The following SYT10 variants were observed in gnomAD, a reference collection of about 807,000 sequenced individuals.
SYT10 encodes synaptotagmin 10.
Under a neutral mutation model 51.1 loss-of-function variants are expected in SYT10, and 31 were observed. The ratio of observed to expected loss-of-function variants is 0.61; its 90% confidence interval spans 0.46 to 0.82. The LOEUF (loss-of-function observed/expected upper bound fraction) is 0.82. SYT10 is among the 40% of genes least tolerant of loss of function. The pLI is 0.00. For missense variants in SYT10, 603 were observed against 634.0 expected (o/e 0.95, Z 0.53); for synonymous variants, 233 against 225.9 (o/e 1.03, Z -0.28).
rs188444647 is a variant in SYT10 at position 33,409,982 on chromosome 12, C to T, written c.510-2626G>A. On this transcript the variant is annotated intron_variant, in intron 2 of 6. Transcript: ENST00000228567. Reference sequence around the variant, plus strand: ...TAAACTTTAGCTTAATATAAAGGAACGTTTAAAATAATCTAGAGCTATCCA... The same window carrying T: ...TAAACTTTAGCTTAATATAAAGGAATGTTTAAAATAATCTAGAGCTATCCA... Among the ~76,000 whole-genome samples, 4 of 152,200 alleles carry T rather than the reference C, an allele frequency of 2.6e-5. No homozygotes were observed. The East Asian group carries it at 7.7e-4, about 29-fold the overall frequency.
chr12:33,382,608 T>G lies in SYT10; in HGVS notation c.1199-88A>C, dbSNP rs1866125805. On this transcript the variant is annotated intron_variant, in intron 4 of 6. Transcript: ENST00000228567. ...CAGTTTATTTTTACTAAATAAGACC[T>G]ATAGTACTAAGGCCTATATTAAGAC... 7 of 1,274,308 alleles carry G rather than the reference T, an allele frequency of 5.5e-6. No individual in the cohort carries two copies. The South Asian group carries it at 1.0e-4, about 19-fold the overall frequency. The allele number at this position is 1,274,308 out of a possible 1,614,324, so 78.9% of individuals were successfully genotyped here. A position where few individuals can be genotyped will look rare whatever the true frequency, so the allele number is the denominator to read the frequency against.
At chr12:33,409,709 G>C (rs895839701) in intron 2 of SYT10, among the ~76,000 whole-genome samples, 10 of 151,960 alleles carry the variant, frequency 6.6e-5, no homozygotes, top group Non-Finnish European at 4.4e-5. Flanking sequence ...AGAGACTGGG[G>C]TTTCACCATG....
chr12:33,389,210 T>C (rs1866183140), intron 3 of SYT10, among the ~76,000 whole-genome samples: 1 of 152,096 alleles, frequency 6.6e-6, no homozygotes, highest in Non-Finnish European at 1.5e-5. Flanking sequence ...ATGTCTTCTA[T>C]GGGCAAGGTG....
chr12:33,394,443 G>T (rs1399676649), intron 3 of SYT10, among the ~76,000 whole-genome samples: 1 of 152,116 alleles, frequency 6.6e-6, no homozygotes, highest in East Asian at 1.9e-4. Flanking sequence ...AAATATTAGG[G>T]CAAGAACTTT....
intron 3 of SYT10, among the ~76,000 whole-genome samples, chr12:33,389,236 G>A (rs557443993): frequency 5.9e-5 from 9 of 152,244 alleles, no homozygotes; most frequent in African/African-American, 1.7e-4. Context: ...GACATGAAAG[G>A]GTGGGAGCTT....
At chr12:33,434,147 A>G (rs1591999910) in intron 1 of SYT10, among the ~76,000 whole-genome samples, 1 of 152,312 alleles carries the variant, frequency 6.6e-6, no homozygotes, top group East Asian at 1.9e-4. Context: ...TAGAACTTGT[A>G]GACTCAGTGC....
At chr12:33,391,368 G>A (rs1866205566) in intron 3 of SYT10, among the ~76,000 whole-genome samples, 1 of 152,154 alleles carries the variant, frequency 6.6e-6, no homozygotes, top group Non-Finnish European at 1.5e-5. Flanking sequence ...GGCATTAGAG[G>A]TGGGTGACAA....
chr12:33,384,281 T>C (rs1866139676), intron 4 of SYT10, among the ~76,000 whole-genome samples: 1 of 152,180 alleles, frequency 6.6e-6, no homozygotes, highest in South Asian at 2.1e-4. Flanking sequence ...TTACCTCCTT[T>C]TTAAAATTCA....
At chr12:33,413,804 T>G (rs534147600) in intron 2 of SYT10, among the ~76,000 whole-genome samples, 53 of 152,168 alleles carry the variant, frequency 3.5e-4, no homozygotes, top group Admixed American at 6.5e-4. Context: ...GCTAACATCA[T>G]AATGACAGGA....
At chr12:33,421,255 C>CAT (rs1866502301) in intron 2 of SYT10, among the ~76,000 whole-genome samples, 1 of 152,136 alleles carries the variant, frequency 6.6e-6, no homozygotes, top group African/African-American at 2.4e-5. Flanking sequence ...TTCATCAGCA[C>CAT]ATATAAGTCA....
chr12:33,397,006 A>T (rs1395052998), intron 3 of SYT10, among the ~76,000 whole-genome samples: 1 of 152,176 alleles, frequency 6.6e-6, no homozygotes, highest in Admixed American at 6.5e-5. Flanking sequence ...TTTAGCAATG[A>T]TCACGGCTCT....
At chr12:33,391,803 T>C (rs1456844935) in intron 3 of SYT10, among the ~76,000 whole-genome samples, 1 of 152,118 alleles carries the variant, frequency 6.6e-6, no homozygotes, top group Non-Finnish European at 1.5e-5. Context: ...TATCATAAGG[T>C]GAATGTTCAT....
intron 3 of SYT10, chr12:33,405,886 G>T (rs1326261351): frequency 1.4e-5 from 2 of 143,642 alleles, no homozygotes; most frequent in Admixed American, 6.9e-5. Context: ...TACAAAAAAA[G>T]AACATAATTT....
At chr12:33,421,117 T>C (rs1461665325) in intron 2 of SYT10, among the ~76,000 whole-genome samples, 1 of 152,226 alleles carries the variant, frequency 6.6e-6, no homozygotes, top group Non-Finnish European at 1.5e-5. Context: ...AGTCTCATTT[T>C]ATGTATTTTT....
chr12:33,439,605 C>T lies in SYT10; in HGVS notation c.-83G>A. ...CCGTACCTCTAACCCCTCTGGCGCC[C>T]TAAGCCATAGTCCGCCCGCGGTGAC... On this transcript the variant is annotated 5_prime_UTR_variant, in exon 1 of 7. It removes the in-frame stop codon of an upstream open reading frame in the 5' UTR. Transcript: ENST00000228567. 1 of 1,516,752 alleles carries T rather than the reference C, an allele frequency of 6.6e-7. No homozygotes were observed. Among genetic ancestry groups the T allele is most frequent in the South Asian group, 1.3e-5 (1 of 79,650 alleles). 94.0% of individuals were successfully genotyped at this position (1,516,752 alleles called of 1,614,324 possible). A position where few individuals can be genotyped will look rare whatever the true frequency, so the allele number is the denominator to read the frequency against.
chr12:33,418,192 G>A (rs1435300596), intron 2 of SYT10, among the ~76,000 whole-genome samples: 1 of 151,948 alleles, frequency 6.6e-6, no homozygotes, highest in East Asian at 1.9e-4. Flanking sequence ...TCCCACCCGG[G>A]CTTAGCACAC....
chr12:33,420,400 A>G (rs1565498027), intron 2 of SYT10, among the ~76,000 whole-genome samples: 1 of 152,160 alleles, frequency 6.6e-6, no homozygotes, highest in Non-Finnish European at 1.5e-5. Context: ...ATTATGTAGA[A>G]GACTAGGAGG....
rs1224101246 is a variant in SYT10, at chr12:33,380,056, C to T, written c.1371-95G>A. On this transcript the variant is annotated intron_variant, in intron 5 of 6. Coordinates refer to ENST00000228567, the MANE Select transcript of SYT10 (RefSeq NM_198992.4). ...TAGAATTTTAAAAATATGATTAAAA[C>T]ATTAGATTCTGTAATTTTGCAGATT... The T allele has an allele frequency of 1.3e-4, 181 of 1,362,212 alleles. 2 individuals carry two copies. Among genetic ancestry groups the T allele is most frequent in the South Asian group, 3.0e-5 (2 of 65,826 alleles). 84.4% of individuals were successfully genotyped at this position (1,362,212 alleles called of 1,614,324 possible). A position where few individuals can be genotyped will look rare whatever the true frequency, so the allele number is the denominator to read the frequency against.
At chr12:33,392,985 T>TAAACAAAAAAAAAA (rs1866222404) in intron 3 of SYT10, among the ~76,000 whole-genome samples, 1 of 59,104 alleles carries the variant, frequency 1.7e-5, no homozygotes. Context: ...TTTTTGCCAT[T>TAAACAAAAAAAAAA]AAAAAAAAAA....
Sources: gnomAD v4.1 joint callset for allele counts (sites outside exome capture counted in the v4.1 genomes callset) on GRCh38, gnomAD v4.1.1 for gene constraint, MANE v1.5 for transcripts, NCBI Gene and HGNC (gene_info 2026-07-23, HGNC 2026-07-21) for gene names.